The following PRDM8 variants were observed in gnomAD, a reference collection of about 807,000 sequenced individuals.
The protein encoded by PRDM8 is PR/SET domain 8, also known as PR domain zinc finger protein 8.
A neutral mutation model predicts 46.5 loss-of-function variants in PRDM8; 13 were observed. The observed-to-expected ratio is 0.28, with a 90% CI of 0.18 to 0.44. PRDM8 has a LOEUF of 0.44. PRDM8 is among the 20% of genes least tolerant of loss of function. The probability of loss-of-function intolerance (pLI) is 1.00; values close to 1 mark genes in which losing one functional copy is unlikely to be tolerated. For synonymous variants in PRDM8, 473 were observed against 438.4 expected (o/e 1.08, Z -0.98); for missense variants, 998 against 955.0 (o/e 1.04, Z -0.59).
upstream of PRDM8, among the ~76,000 whole-genome samples, chr4:80,195,165 G>T (rs1737847547): frequency 6.6e-6 from 1 of 152,098 alleles, no homozygotes; most frequent in Non-Finnish European, 1.5e-5. Context: ...AACAGCAAAA[G>T]AAAGCATTAA....
chr4:80,196,698 A>G, upstream of PRDM8: 1 of 933,690 alleles, frequency 1.1e-6, no homozygotes, highest in South Asian at 4.9e-5. Flanking sequence ...GCTGCGCAGA[A>G]CGCACCAAGC....
Position 80,203,314 on chromosome 4 carries a change from T to C in PRDM8, c.1852T>C (p.Ser618Pro), listed in dbSNP as rs371708653. 2 of 1,612,870 alleles carry C rather than the reference T, an allele frequency of 1.2e-6. No individual in the cohort carries two copies. The highest frequency in any genetic ancestry group is 1.7e-6 in the Non-Finnish European group (2 of 1,179,728). Residue 618 changes from serine (S) to proline (P), a missense_variant, in exon 4 of 4, where the codon TCG becomes CCG. Physicochemically the swap from Ser to Pro is moderately conservative, Grantham distance 74. Coordinates refer to ENST00000415738, the MANE Select transcript of PRDM8 (RefSeq NM_001099403.2). ...ALTLLPPSFT[S>P]LCLPAQNWCA... is the part of the protein sequence containing the mutation. ...CACGCTGCTGCCGCCCTCCTTCACC[T>C]CGCTGTGTCTGCCCGCGCAGAACTG...
At chr4:80,197,000 C>A (rs1396275174), upstream of PRDM8, 1 of 985,282 alleles carries the variant, frequency 1.0e-6, no homozygotes, top group African/African-American at 1.7e-5. Context: ...TGAAGAGAGA[C>A]GACGCCCGTT....
rs1185391877 is a variant in PRDM8, at chr4:80,204,281, G to A, written c.*749G>A. The A allele has an allele frequency of 6.6e-6, 1 of 152,610 alleles. No individual in the cohort carries two copies. The highest frequency in any genetic ancestry group is 1.5e-5 in the Non-Finnish European group (1 of 68,034). 9.5% of individuals were successfully genotyped at this position (152,610 alleles called of 1,614,324 possible). A position where few individuals can be genotyped will look rare whatever the true frequency, so the allele number is the denominator to read the frequency against. On this transcript the variant is annotated 3_prime_UTR_variant, in exon 4 of 4. Coordinates refer to ENST00000415738, the MANE Select transcript of PRDM8 (RefSeq NM_001099403.2). Reference sequence around the variant, plus strand: ...ATTTATTAAACTTTATAGTTTATCCGAGTATGTTGGATGCTTTGACAATAA... The same window carrying A: ...ATTTATTAAACTTTATAGTTTATCCAAGTATGTTGGATGCTTTGACAATAA...
chr4:80,201,561 C>A (rs777521020), intron 3 of PRDM8, 40 bp downstream of exon 3: 1 of 1,583,938 alleles, frequency 6.3e-7, no homozygotes, highest in African/African-American at 1.3e-5. Context: ...CCTTAACTAG[C>A]GGGGGAGAGA....
Position 80,203,153 on chromosome 4 carries a change from G to C in PRDM8, c.1691G>C (p.Ser564Thr), listed in dbSNP as rs753837771. ...AACGGAGGTTGCGGGTCCCTGCCGA[G>C]CGGCGGCGGCGGCCTGCCTAAGCAG... ...DLNGGCGSLP[S>T]GGGGLPKQSP... Residue 564 changes from serine to threonine, a missense_variant, in exon 4 of 4, where the codon AGC becomes ACC. By Grantham distance (58) the Ser-to-Thr change is moderately conservative (BLOSUM62 1). Coordinates refer to ENST00000415738, the MANE Select transcript of PRDM8 (RefSeq NM_001099403.2). 3.9e-6 allele frequency: 6 copies of C among 1,537,612 alleles called. No individual in the cohort carries two copies. In the Admixed American group the frequency reaches 1.2e-4, roughly 30 times the overall value.
Position 80,202,742 on chromosome 4 carries a change from C to T in PRDM8, c.1280C>T (p.Ala427Val). 7.7e-7 allele frequency: 1 copy of T among 1,292,686 alleles called. No homozygotes were observed. Among genetic ancestry groups the T allele is most frequent in the Non-Finnish European group, 9.8e-7 (1 of 1,025,500 alleles). The allele number at this position is 1,292,686 out of a possible 1,614,324, so 80.1% of individuals were successfully genotyped here. ...GGGGGSSTPAAASPVGAEKLL... is the reference protein window; with the variant it reads ...GGGGGSSTPAVASPVGAEKLL... ...GGCGGCGGCTCCTCCACGCCCGCGG[C>T]CGCGTCACCGGTGGGCGCCGAGAAG... is the stretch of plus-strand genomic sequence containing the variant. The change falls in exon 4 of 4, where the codon GCC becomes GTC. Residue 427 changes from alanine to valine, a missense_variant. Coordinates refer to ENST00000415738, the MANE Select transcript of PRDM8 (RefSeq NM_001099403.2).
intron 1 of PRDM8, among the ~76,000 whole-genome samples, chr4:80,186,605 G>A (rs1737110453): frequency 1.3e-5 from 2 of 152,210 alleles, no homozygotes; most frequent in Non-Finnish European, 2.9e-5. Context: ...GCCTCCAGAG[G>A]GCTGAAGGAG....
chr4:80,190,308 T>C (rs992222021), intron 1 of PRDM8: 3 of 152,220 alleles, frequency 2.0e-5, no homozygotes, highest in Admixed American at 1.3e-4. Flanking sequence ...CTAAAGAACA[T>C]GGGAAATGTG....
chr4:80,202,690 G>A lies in PRDM8; in HGVS notation c.1228G>A (p.Ala410Thr). The A allele has an allele frequency of 7.2e-7, 1 of 1,394,766 alleles. No individual in the cohort carries two copies. Among genetic ancestry groups the A allele is most frequent in the Non-Finnish European group, 9.3e-7 (1 of 1,080,468 alleles). The allele number at this position is 1,394,766 out of a possible 1,614,324, so 86.4% of individuals were successfully genotyped here. ...GGGGACAGCCGACGGCGCGGGAGTC[G>A]CCTCCGAGGACCAGGACGCTGGCGG... ...EEGTADGAGV[A>T]SEDQDAGGGG... Residue 410 changes from alanine to threonine, a missense_variant, in exon 4 of 4, where the codon GCC (alanine) becomes ACC (threonine). By Grantham distance (58) the Ala-to-Thr change is moderately conservative (BLOSUM62 0). Transcript: ENST00000415738.
chr4:80,188,363 T>C (rs1737280937), intron 1 of PRDM8, among the ~76,000 whole-genome samples: 3 of 152,212 alleles, frequency 2.0e-5, no homozygotes, highest in South Asian at 4.1e-4. Flanking sequence ...TTAAATATTA[T>C]AATATCCCTA....
rs1467259722 is a variant in PRDM8 at position 80,202,458 on chromosome 4, C to T, written c.996C>T (p.Gly332=). Residue 332 remains glycine, a synonymous_variant, in exon 4 of 4, where the codon GGC becomes GGT. Transcript: ENST00000415738. ...GCGGTGGCGCTGGTCTGGTAGGGGGCCGGGGCCGCTTCGTAGAGCGGCCCC... is the reference window on the plus strand; with the variant it reads ...GCGGTGGCGCTGGTCTGGTAGGGGGTCGGGGCCGCTTCGTAGAGCGGCCCC... ...EGGGGAGLVG[G]RGRFVERPLP... 1 of 1,544,678 alleles carries T rather than the reference C, an allele frequency of 6.5e-7. No individual in the cohort carries two copies.
At position 80,200,197 on chromosome 4, in the gene PRDM8, T is replaced by C. The variant is rs369098269; in HGVS notation, c.117T>C (p.Ala39=). 154 of 1,614,150 alleles carry C rather than the reference T, an allele frequency of 9.5e-5. No homozygotes were observed. In the East Asian group the frequency reaches 2.1e-3, roughly 22 times the overall value. The change falls in exon 2 of 4, where the codon GCT becomes GCC. Residue 39 remains alanine, a synonymous_variant. Coordinates refer to ENST00000415738, the MANE Select transcript of PRDM8 (RefSeq NM_001099403.2). ...CCACCTGCGACATCCCTGAGAATGCTATATTTGGTCCCTGTGTCCTGAGCC... is the reference window on the plus strand; with the variant it reads ...CCACCTGCGACATCCCTGAGAATGCCATATTTGGTCCCTGTGTCCTGAGCC... The part of the protein sequence containing the change: ...VYTTCDIPEN[A]IFGPCVLSHT...
chr4:80,187,872 A>T (rs78759277), intron 1 of PRDM8, among the ~76,000 whole-genome samples: 2,960 of 152,282 alleles, frequency 0.019, 64 homozygotes, highest in East Asian at 0.12. Context: ...ATGGCAGTCA[A>T]TCCCAGCTCT....
chr4:80,186,148 A>G (rs1001271399), intron 1 of PRDM8, among the ~76,000 whole-genome samples: 20 of 152,192 alleles, frequency 1.3e-4, no homozygotes, highest in Non-Finnish European at 2.9e-5. Context: ...CCCGTTTGGT[A>G]TAGAAAAGGA....
chr4:80,191,990 T>C (rs1737583379), intron 2 of PRDM8, among the ~76,000 whole-genome samples: 1 of 152,240 alleles, frequency 6.6e-6, no homozygotes, highest in South Asian at 2.1e-4. Flanking sequence ...TCAAATACTC[T>C]TTGTCTCTCT....
chr4:80,199,302 C>T (rs1013095055), intron 1 of PRDM8, among the ~76,000 whole-genome samples: 34 of 152,008 alleles, frequency 2.2e-4, no homozygotes, highest in African/African-American at 6.8e-4. Context: ...CTCAATCCAC[C>T]CCCTTGTATA....
rs1738184321 is a variant in PRDM8, at chr4:80,198,979, G to GT, written c.-2-1100_-2-1099insT. Among the ~76,000 whole-genome samples the GT allele has an allele frequency of 1.7e-4, 19 of 113,524 alleles. 1 individual carries two copies. The East Asian group carries it at 1.8e-3, about 11-fold the overall frequency. The allele number at this position is 113,524 out of a possible 152,430, so 74.5% of individuals were successfully genotyped here. A position where few individuals can be genotyped will look rare whatever the true frequency, so the allele number is the denominator to read the frequency against. On this transcript the variant is annotated intron_variant, in intron 1 of 3. Transcript: ENST00000415738. ...AAATTTAAATACCTGGGTTTTTTTG[G>GT]GTTTTTTTTTTTTTGTTTTTTTTTT...
rs1164662729 is a variant in PRDM8, at chr4:80,203,853, C to T, written c.*321C>T. On this transcript the variant is annotated 3_prime_UTR_variant, in exon 4 of 4. Transcript: ENST00000415738. ...TTTTGAATGCACGCATTTTCACTTT[C>T]CCCAAAACAAAGGTACATTTTTTAA... 4.4e-6 allele frequency: 1 copy of T among 226,724 alleles called. No individual in the cohort carries two copies. The highest frequency in any genetic ancestry group is 5.3e-5 in the Admixed American group (1 of 18,848). The allele number at this position is 226,724 out of a possible 1,614,324, so 14.0% of individuals were successfully genotyped here.
Sources: allele counts gnomAD v4.1 joint callset (sites outside exome capture counted in the v4.1 genomes callset), GRCh38; gene constraint gnomAD v4.1.1; transcripts MANE v1.5; gene names NCBI Gene and HGNC (gene_info 2026-07-23, HGNC 2026-07-21).